The following DTNB variants were observed in gnomAD, a reference collection of about 807,000 sequenced individuals.
DTNB encodes the protein dystrobrevin beta, also known as DTN-B.
In DTNB, 63 loss-of-function variants were observed where a neutral mutation model predicts 90.7. The ratio of observed to expected loss-of-function variants is 0.69; its 90% confidence interval spans 0.57 to 0.86. The LOEUF (loss-of-function observed/expected upper bound fraction) is 0.86, where lower values mean the gene tolerates loss of function less well. Among genes scored for constraint, DTNB ranks in the 40% least tolerant of loss-of-function variants. The probability of loss-of-function intolerance (pLI) is 0.00; values close to 1 mark genes in which losing one functional copy is unlikely to be tolerated. For missense variants in DTNB, 744 were observed against 807.1 expected, an observed-to-expected ratio of 0.92 and a Z score of 0.95; for synonymous variants, 277 against 286.7, an observed-to-expected ratio of 0.97 and a Z score of 0.34.
intron 9 of DTNB, among the ~76,000 whole-genome samples, chr2:25,506,383 T>C (rs1217243100): frequency 6.6e-6 from 1 of 151,684 alleles, no homozygotes; most frequent in African/African-American, 2.4e-5. Flanking sequence ...TTTAAGTTCA[T>C]GAGTACACGT....
At chr2:25,432,167 A>G (rs1444241891) in intron 14 of DTNB, among the ~76,000 whole-genome samples, 1 of 151,910 alleles carries the variant, frequency 6.6e-6, no homozygotes, top group South Asian at 2.1e-4. Flanking sequence ...AAGTCACTAA[A>G]TGTAGTTTCC....
chr2:25,613,298 G>C (rs996483773), intron 4 of DTNB, among the ~76,000 whole-genome samples: 3 of 151,986 alleles, frequency 2.0e-5, no homozygotes, highest in Non-Finnish European at 4.4e-5. Context: ...TATTACATGC[G>C]TATATTGCGT....
intron 14 of DTNB, among the ~76,000 whole-genome samples, chr2:25,432,253 A>G (rs1447801839): frequency 6.8e-6 from 1 of 146,364 alleles, no homozygotes; most frequent in Admixed American, 6.8e-5. Context: ...ACCCCTTTCT[A>G]AGGCTCATAG....
At chr2:25,412,430 T>C (rs2046840237) in intron 16 of DTNB, among the ~76,000 whole-genome samples, 1 of 152,198 alleles carries the variant, frequency 6.6e-6, no homozygotes, top group South Asian at 2.1e-4. Flanking sequence ...TCACATTATT[T>C]TCAGAGTGCC....
rs574677668 is a variant in DTNB at position 25,575,975 on chromosome 2, G to A, written c.876+863C>T. Among the ~76,000 whole-genome samples the A allele has an allele frequency of 2.8e-4, 43 of 152,166 alleles. 1 individual carries two copies. In the South Asian group the frequency reaches 7.1e-3, roughly 25 times the overall value. ...ACAGAAAAATCAGATATTGACTTCC[G>A]CCAAGATATTACTATTTTAAAAACT... On this transcript the variant is annotated intron_variant, in intron 8 of 20. Coordinates refer to ENST00000406818, the MANE Select transcript of DTNB (RefSeq NM_021907.5).
chr2:25,665,154 G>GTCTC (rs1246084876), intron 1 of DTNB, among the ~76,000 whole-genome samples: 1 of 152,220 alleles, frequency 6.6e-6, no homozygotes. Flanking sequence ...TCTCCAGGAT[G>GTCTC]TCTCTGTACA....
intron 9 of DTNB, among the ~76,000 whole-genome samples, chr2:25,511,512 A>G (rs983134485): frequency 6.6e-6 from 1 of 152,050 alleles, no homozygotes; most frequent in Non-Finnish European, 1.5e-5. Flanking sequence ...TTCTATTTTT[A>G]GTAGAGATGG....
intron 2 of DTNB, among the ~76,000 whole-genome samples, chr2:25,639,951 C>T (rs898902581): frequency 6.6e-6 from 1 of 152,212 alleles, no homozygotes; most frequent in Non-Finnish European, 1.5e-5. Flanking sequence ...GACTGCCAAA[C>T]GCGCAGGCGA....
At chr2:25,586,012 T>C (rs1427102523) in intron 6 of DTNB, among the ~76,000 whole-genome samples, 2 of 152,196 alleles carry the variant, frequency 1.3e-5, no homozygotes, top group African/African-American at 4.8e-5. Flanking sequence ...TTTTTATTTG[T>C]TATGGATAAA....
At chr2:25,653,742 T>A (rs867417588) in intron 1 of DTNB, among the ~76,000 whole-genome samples, 31 of 152,004 alleles carry the variant, frequency 2.0e-4, no homozygotes, top group African/African-American at 7.5e-4. Flanking sequence ...GAACTCCCAG[T>A]CTCAAGTGAT....
intron 1 of DTNB, 170 bp from the exon 2 acceptor site, chr2:25,652,831 C>G: frequency 1.9e-6 from 1 of 531,924 alleles, no homozygotes; most frequent in Non-Finnish European, 3.2e-6. Flanking sequence ...AAACTGCCAT[C>G]CTTTTATTTG....
intron 10 of DTNB, among the ~76,000 whole-genome samples, chr2:25,458,023 T>C (rs1196475251): frequency 2.6e-5 from 4 of 151,894 alleles, no homozygotes; most frequent in South Asian, 4.2e-4. Flanking sequence ...TTAGTAGAGA[T>C]GAGGTTTCAC....
rs1198924215 is a variant in DTNB, at chr2:25,525,636, C to CA, written c.1001+5836dup. On this transcript the variant is annotated intron_variant, in intron 9 of 20. Transcript: ENST00000406818. ...CGGCAACAAGAGCGAAATTCCGTCT[C>CA]AAAAAAAAAAGAAAAAAAAATCCAA... is the stretch of plus-strand genomic sequence containing the variant. 4.7e-3 allele frequency among the ~76,000 whole-genome samples: 593 copies of CA among 125,512 alleles called. 1 individual carries two copies. Among genetic ancestry groups the CA allele is most frequent in the African/African-American group, 0.015 (515 of 33,626 alleles). 82.3% of individuals were successfully genotyped at this position (125,512 alleles called of 152,430 possible).
intron 16 of DTNB, among the ~76,000 whole-genome samples, chr2:25,412,186 G>A (rs1179077881): frequency 6.6e-6 from 1 of 152,160 alleles, no homozygotes; most frequent in African/African-American, 2.4e-5. Flanking sequence ...TAAACATTAA[G>A]TGCCCTTCCT....
intron 1 of DTNB, 157 bp from the exon 2 acceptor site, chr2:25,652,818 G>T: frequency 1.7e-6 from 1 of 575,180 alleles, no homozygotes; most frequent in Non-Finnish European, 2.9e-6. Flanking sequence ...TTCAGAAAAA[G>T]ATAAACTGCC....
chr2:25,666,258 T>C (rs113075522), intron 1 of DTNB, among the ~76,000 whole-genome samples: 2 of 152,202 alleles, frequency 1.3e-5, no homozygotes, highest in African/African-American at 4.8e-5. Flanking sequence ...ATCTGTCCTA[T>C]TCTTGACATG....
intron 1 of DTNB, among the ~76,000 whole-genome samples, chr2:25,659,814 A>C (rs2082781261): frequency 6.6e-6 from 1 of 152,188 alleles, no homozygotes; most frequent in South Asian, 2.1e-4. Flanking sequence ...GAACCCTTCC[A>C]GAAAACAAAA....
At chr2:25,392,772 C>T (rs1302429131) in intron 16 of DTNB, among the ~76,000 whole-genome samples, 1 of 152,110 alleles carries the variant, frequency 6.6e-6, no homozygotes, top group African/African-American at 2.4e-5. Context: ...CAACAAAAAA[C>T]AGTCCAGGAC....
chr2:25,463,156 G>A (rs1007506473), intron 10 of DTNB, among the ~76,000 whole-genome samples: 2 of 152,112 alleles, frequency 1.3e-5, no homozygotes, highest in African/African-American at 2.4e-5. Flanking sequence ...AACCTAATAT[G>A]CTCAAAATAG....
Sources: gnomAD v4.1 joint callset for allele counts (sites outside exome capture counted in the v4.1 genomes callset) on GRCh38, gnomAD v4.1.1 for gene constraint, MANE v1.5 for transcripts, NCBI Gene and HGNC (gene_info 2026-07-23, HGNC 2026-07-21) for gene names.